ANKRD30B: variants seen among roughly 807,000 people sequenced by gnomAD.
The protein encoded by ANKRD30B is ankyrin repeat domain 30B.
A neutral mutation model predicts 202.2 loss-of-function variants in ANKRD30B; 144 were observed. That is an observed-to-expected ratio of 0.71 (90% CI 0.62 to 0.82). ANKRD30B has a LOEUF of 0.82. ANKRD30B is among the 40% of genes least tolerant of loss of function. The probability of loss-of-function intolerance (pLI) is 0.00; values close to 1 mark genes in which losing one functional copy is unlikely to be tolerated. For missense variants in ANKRD30B, 1,487 were observed against 1,669.1 expected (o/e 0.89, Z 1.90); for synonymous variants, 508 against 561.3 (o/e 0.91, Z 1.34).
chr18:14,920,585 G>T, the ANKRD30B span, among the ~76,000 whole-genome samples: 1 of 152,192 alleles, frequency 6.6e-6, no homozygotes, highest in African/African-American at 2.4e-5. Context: ...AGCAGCCAAA[G>T]TCTGGGTGTC....
rs1225884344 is a variant in ANKRD30B, at chr18:14,808,590, T to C, written c.2313+11T>C. On this transcript the variant is annotated intron_variant, in intron 25 of 43. Coordinates refer to ENST00000690538, the MANE Select transcript of ANKRD30B (RefSeq NM_001367607.2). ...GATGGTCTTCTGAAGGTAATTACTT[T>C]TATATTTCTATGTTGAATATTAACT... 1.3e-6 allele frequency: 2 copies of C among 1,570,480 alleles called. No individual in the cohort carries two copies. Among genetic ancestry groups the C allele is most frequent in the Non-Finnish European group, 1.7e-6 (2 of 1,146,400 alleles).
intron 15 of ANKRD30B, among the ~76,000 whole-genome samples, chr18:14,789,922 G>A (rs1319035564): frequency 6.6e-6 from 1 of 152,114 alleles, no homozygotes; most frequent in Non-Finnish European, 1.5e-5. Context: ...TTCCAATTCT[G>A]TGAAGAAAGT....
downstream of ANKRD30B, among the ~76,000 whole-genome samples, chr18:14,858,780 GCTC>G (rs1972139287): frequency 7.4e-6 from 1 of 134,554 alleles, no homozygotes; most frequent in African/African-American, 2.8e-5. Flanking sequence ...AGGCAGAGGG[GCTC>G]CTCACCTCCC....
Position 14,796,265 on chromosome 18 carries a change from T to C in ANKRD30B, c.1854+16T>C. On this transcript the variant is annotated intron_variant, in intron 17 of 43. Transcript: ENST00000690538. ...TCTTCTGAAGGTAATAACTTTTATATTGCTATCTTGAATACTAACTACATA... is the reference window on the plus strand; with the variant it reads ...TCTTCTGAAGGTAATAACTTTTATACTGCTATCTTGAATACTAACTACATA... 6.2e-7 allele frequency: 1 copy of C among 1,608,616 alleles called. No homozygotes were observed. Among genetic ancestry groups the C allele is most frequent in the Non-Finnish European group, 8.5e-7 (1 of 1,175,432 alleles).
the ANKRD30B span, among the ~76,000 whole-genome samples, chr18:14,905,050 C>T: frequency 6.6e-6 from 1 of 152,200 alleles, no homozygotes; most frequent in East Asian, 1.9e-4. Context: ...AGAGTGATTT[C>T]TGGTCTTCTT....
chr18:14,759,936 CT>C (rs1914993495), intron 5 of ANKRD30B, among the ~76,000 whole-genome samples: 1 of 152,134 alleles, frequency 6.6e-6, no homozygotes, highest in African/African-American at 2.4e-5. Flanking sequence ...GAGACAGGGT[CT>C]CCCTGTGTTG....
chr18:14,855,764 C>T (rs1287353513), downstream of ANKRD30B, among the ~76,000 whole-genome samples: 2 of 150,310 alleles, frequency 1.3e-5, no homozygotes, highest in Non-Finnish European at 3.0e-5. Context: ...CAGAGGGGCT[C>T]CTCACCTCCC....
intron 32 of ANKRD30B, among the ~76,000 whole-genome samples, 152 bp downstream of exon 32, chr18:14,822,829 G>GA (rs2144121173): frequency 6.6e-6 from 1 of 151,612 alleles, no homozygotes; most frequent in Non-Finnish European, 1.5e-5. Flanking sequence ...TCATGTTTGA[G>GA]AAAATGCCAT....
In ANKRD30B at chr18:14,762,182, G is replaced by A. The variant is rs370825861; in HGVS notation, c.821-1504G>A. Among the ~76,000 whole-genome samples, 18 of 152,324 alleles carry A rather than the reference G, an allele frequency of 1.2e-4. No homozygotes were observed. The South Asian group carries it at 3.3e-3, about 28-fold the overall frequency. ...GTAGTCTGATAAGGAGAAGGCAGAG[G>A]AGAGATTTGTCTTGCCATCTTGCAG... On this transcript the variant is annotated intron_variant, in intron 6 of 43. Transcript: ENST00000690538.
At chr18:14,904,720 C>G in the ANKRD30B span, among the ~76,000 whole-genome samples, 1 of 152,190 alleles carries the variant, frequency 6.6e-6, no homozygotes, top group African/African-American at 2.4e-5. Flanking sequence ...GTCAAGGGAA[C>G]AGTTTTAGAA....
In ANKRD30B at chr18:14,854,219, T is replaced by C. The variant is rs1971999734; in HGVS notation, c.*61T>C. On this transcript the variant is annotated 3_prime_UTR_variant, in exon 44 of 44. Transcript: ENST00000690538. The stretch of plus-strand genomic sequence containing the variant: ...TAAACAGTAAAGTTTATTGTGAACA[T>C]TTGCTTCTTTTTCCATTTTAAAGTT... 6.6e-6 allele frequency among the ~76,000 whole-genome samples: 1 copy of C among 152,298 alleles called. No homozygotes were observed. The highest frequency in any genetic ancestry group is 2.4e-5 in the African/African-American group (1 of 41,568).
the ANKRD30B span, among the ~76,000 whole-genome samples, chr18:14,876,350 C>A: frequency 6.6e-6 from 1 of 152,166 alleles, no homozygotes; most frequent in Non-Finnish European, 1.5e-5. Flanking sequence ...TGCTAAGCTG[C>A]ATGGCACAAA....
chr18:14,755,042 A>G, intron 4 of ANKRD30B, 37 bp downstream of exon 4: 2 of 1,191,488 alleles, frequency 1.7e-6, no homozygotes, highest in African/African-American at 3.1e-5. Flanking sequence ...AAAACACTTG[A>G]CTAGTGTTCT....
At chr18:14,865,910 A>G in the ANKRD30B span, among the ~76,000 whole-genome samples, 2,547 of 152,192 alleles carry the variant, frequency 0.017, 62 homozygotes, top group African/African-American at 0.059. Context: ...ACTCTTCTTC[A>G]GCACCATTTA....
chr18:14,870,398 C>T, the ANKRD30B span, among the ~76,000 whole-genome samples: 1 of 152,248 alleles, frequency 6.6e-6, no homozygotes, highest in African/African-American at 2.4e-5. Flanking sequence ...CACTGAGGGT[C>T]ACCTGCCCAC....
At chr18:14,938,534 G>A in the ANKRD30B span, among the ~76,000 whole-genome samples, 1 of 152,258 alleles carries the variant, frequency 6.6e-6, no homozygotes, top group African/African-American at 2.4e-5. Context: ...TTTCATTCCG[G>A]AAGGGTCTGA....
At chr18:14,817,406 C>T (rs1225741189) in intron 30 of ANKRD30B, among the ~76,000 whole-genome samples, 2 of 152,136 alleles carry the variant, frequency 1.3e-5, no homozygotes, top group Admixed American at 6.5e-5. Flanking sequence ...GCAGTATTCC[C>T]CTGCTTCCTT....
intron 24 of ANKRD30B, among the ~76,000 whole-genome samples, chr18:14,806,292 G>A (rs1969509516): frequency 6.6e-6 from 1 of 150,650 alleles, no homozygotes; most frequent in Non-Finnish European, 1.5e-5. Context: ...TCTCTTCATG[G>A]TGACTAAAAA....
At chr18:14,937,129 C>T in the ANKRD30B span, among the ~76,000 whole-genome samples, 1 of 152,158 alleles carries the variant, frequency 6.6e-6, no homozygotes, top group African/African-American at 2.4e-5. Context: ...GAGCTTACTC[C>T]CTACAGCAGG....
Sources: gnomAD v4.1 joint callset for allele counts (sites outside exome capture counted in the v4.1 genomes callset) on GRCh38, gnomAD v4.1.1 for gene constraint, MANE v1.5 for transcripts, NCBI Gene and HGNC (gene_info 2026-07-23, HGNC 2026-07-21) for gene names.